The following SH3GL2 variants were observed in gnomAD, a reference collection of about 807,000 sequenced individuals.
SH3GL2 encodes SH3 domain containing GRB2 like 2, endophilin A1, also known as endophilin-A1.
Under a neutral mutation model 46.0 loss-of-function variants are expected in SH3GL2, and 24 were observed. The observed-to-expected ratio is 0.52, with a 90% CI of 0.38 to 0.73. The LOEUF is 0.73. Among genes scored for constraint, SH3GL2 ranks in the 30% least tolerant of loss-of-function variants. SH3GL2 has a pLI of 0.00. For synonymous variants in SH3GL2, 196 were observed against 147.1 expected, an observed-to-expected ratio of 1.33 and a Z score of -2.40; for missense variants, 413 against 424.2, an observed-to-expected ratio of 0.97 and a Z score of 0.23.
intron 3 of SH3GL2, among the ~76,000 whole-genome samples, chr9:17,771,653 G>T (rs900954302): frequency 1.3e-5 from 2 of 152,222 alleles, no homozygotes; most frequent in Admixed American, 6.5e-5. Context: ...AGGGCACTCT[G>T]TGAGACCTGT....
intron 1 of SH3GL2, among the ~76,000 whole-genome samples, chr9:17,617,379 C>G (rs1377219583): frequency 2.6e-5 from 4 of 152,140 alleles, no homozygotes; most frequent in Non-Finnish European, 5.9e-5. Context: ...TCCCAGTGCT[C>G]CTTGGAACCC....
intron 1 of SH3GL2, among the ~76,000 whole-genome samples, chr9:17,680,216 C>T (rs995475089): frequency 1.3e-5 from 2 of 152,134 alleles, no homozygotes; most frequent in Non-Finnish European, 2.9e-5. Context: ...ACCAGCTCCT[C>T]TTTGTACCTC....
At chr9:17,715,715 C>T (rs1018653607) in intron 1 of SH3GL2, among the ~76,000 whole-genome samples, 3 of 151,606 alleles carry the variant, frequency 2.0e-5, no homozygotes, top group Admixed American at 1.3e-4. Context: ...TAATGGGCAT[C>T]GCATTATGTC....
intron 1 of SH3GL2, among the ~76,000 whole-genome samples, chr9:17,595,656 G>A (rs781754392): frequency 3.9e-5 from 6 of 152,156 alleles, no homozygotes; most frequent in Non-Finnish European, 7.3e-5. Context: ...AAGGGATGAG[G>A]AAGTAAATCT....
chr9:17,618,250 G>T (rs1385597288), intron 1 of SH3GL2, among the ~76,000 whole-genome samples: 1 of 151,930 alleles, frequency 6.6e-6, no homozygotes, highest in African/African-American at 2.4e-5. Context: ...TAAACATCCT[G>T]CAATGCACAG....
intron 1 of SH3GL2, among the ~76,000 whole-genome samples, chr9:17,705,831 G>T (rs924102267): frequency 6.6e-6 from 1 of 151,862 alleles, no homozygotes; most frequent in South Asian, 2.1e-4. Flanking sequence ...GGTGAGGGTC[G>T]TAAAACTACC....
At chr9:17,702,593 T>C (rs763124016) in intron 1 of SH3GL2, among the ~76,000 whole-genome samples, 12 of 152,116 alleles carry the variant, frequency 7.9e-5, no homozygotes, top group Non-Finnish European at 1.6e-4. Flanking sequence ...AGGTAATCCT[T>C]GCTTATCATA....
At chr9:17,690,657 A>G (rs1465146435) in intron 1 of SH3GL2, among the ~76,000 whole-genome samples, 5 of 152,104 alleles carry the variant, frequency 3.3e-5, no homozygotes, top group African/African-American at 7.2e-5. Context: ...GCATGTGGCA[A>G]TCTACCTAAT....
intron 1 of SH3GL2, among the ~76,000 whole-genome samples, chr9:17,579,774 C>T (rs544794328): frequency 6.6e-6 from 1 of 152,140 alleles, no homozygotes; most frequent in Admixed American, 6.5e-5. Flanking sequence ...TCTCCCTTAC[C>T]CTGTTGTCAG....
intron 1 of SH3GL2, among the ~76,000 whole-genome samples, chr9:17,632,938 A>T (rs984043950): frequency 6.6e-6 from 1 of 152,222 alleles, no homozygotes; most frequent in Admixed American, 6.5e-5. Context: ...AACAAGTTTT[A>T]TGAAAAAAGG....
chr9:17,657,098 A>G (rs972703281), intron 1 of SH3GL2, among the ~76,000 whole-genome samples: 1 of 152,158 alleles, frequency 6.6e-6, no homozygotes, highest in African/African-American at 2.4e-5. Flanking sequence ...TTAGTCACTC[A>G]CCTGATAGAG....
intron 3 of SH3GL2, among the ~76,000 whole-genome samples, chr9:17,767,955 C>A (rs1276552522): frequency 1.3e-5 from 2 of 152,050 alleles, no homozygotes; most frequent in Non-Finnish European, 2.9e-5. Flanking sequence ...AAAATAGGTT[C>A]CTGAAATATG....
At chr9:17,640,757 A>T (rs947570351) in intron 1 of SH3GL2, among the ~76,000 whole-genome samples, 3 of 152,220 alleles carry the variant, frequency 2.0e-5, no homozygotes, top group South Asian at 2.1e-4. Flanking sequence ...TTGTGCATAT[A>T]TTATTTATTC....
chr9:17,616,581 A>G (rs1819005369), intron 1 of SH3GL2, among the ~76,000 whole-genome samples: 1 of 152,166 alleles, frequency 6.6e-6, no homozygotes, highest in African/African-American at 2.4e-5. Flanking sequence ...GCTACAAATG[A>G]TATAGCAAAG....
Position 17,795,665 on chromosome 9 carries a change from G to A in SH3GL2, c.981G>A (p.Trp327Ter). The change falls in exon 9 of 9, where the codon TGG becomes TGA. Residue 327 changes from tryptophan to a stop codon, truncating the protein, a stop_gained. Transcript: ENST00000380607. LOFTEE classifies it high-confidence loss of function. ...ITLTNQIDEN[W>*]YEGMLHGHSG... ...TCACTAACCAAATTGATGAGAACTGGTATGAGGGGATGCTGCATGGCCATT... is the reference window on the plus strand; with the variant it reads ...TCACTAACCAAATTGATGAGAACTGATATGAGGGGATGCTGCATGGCCATT... The A allele has an allele frequency of 6.2e-7, 1 of 1,614,014 alleles. No homozygotes were observed. The highest frequency in any genetic ancestry group is 8.5e-7 in the Non-Finnish European group (1 of 1,179,930).
chr9:17,703,520 T>C (rs1351184356), intron 1 of SH3GL2, among the ~76,000 whole-genome samples: 1 of 151,924 alleles, frequency 6.6e-6, no homozygotes, highest in Non-Finnish European at 1.5e-5. Flanking sequence ...CAGTCCAGTA[T>C]CCTTGATGAT....
intron 1 of SH3GL2, among the ~76,000 whole-genome samples, chr9:17,640,513 C>T (rs1240704246): frequency 6.6e-6 from 1 of 152,098 alleles, no homozygotes; most frequent in Non-Finnish European, 1.5e-5. Flanking sequence ...AAACCAACAA[C>T]GTTGGTATGA....
At chr9:17,608,228 A>G (rs1039062079) in intron 1 of SH3GL2, among the ~76,000 whole-genome samples, 3 of 144,172 alleles carry the variant, frequency 2.1e-5, no homozygotes, top group African/African-American at 7.6e-5. Context: ...GCTCACTGCA[A>G]GCTCTGCCTC....
At chr9:17,795,003 G>A (rs891801578) in intron 8 of SH3GL2, among the ~76,000 whole-genome samples, 5 of 152,232 alleles carry the variant, frequency 3.3e-5, no homozygotes, top group East Asian at 1.9e-4. Flanking sequence ...ATATTATTCC[G>A]TTTTCACCAC....
Sources: gnomAD v4.1 joint callset for allele counts (sites outside exome capture counted in the v4.1 genomes callset) on GRCh38, gnomAD v4.1.1 for gene constraint, MANE v1.5 for transcripts, NCBI Gene and HGNC (gene_info 2026-07-23, HGNC 2026-07-21) for gene names.